Variants in BMP2 observed in about 807,000 individuals in gnomAD.
BMP2 encodes bone morphogenetic protein 2.
In BMP2, 2 loss-of-function variants were observed where a neutral mutation model predicts 28.8. The observed-to-expected ratio is 0.07, with a 90% CI of 0.03 to 0.22. The LOEUF (loss-of-function observed/expected upper bound fraction) is 0.22, where lower values mean the gene tolerates loss of function less well. Among genes scored for constraint, BMP2 ranks in the 10% least tolerant of loss-of-function variants. BMP2 has a pLI of 1.00. For missense variants in BMP2, 437 were observed against 517.7 expected (o/e 0.84, Z 1.51); for synonymous variants, 218 against 204.3 (o/e 1.07, Z -0.57).
chr20:6,772,149 T>C (rs538454439), intron 2 of BMP2, among the ~76,000 whole-genome samples: 23 of 152,348 alleles, frequency 1.5e-4, no homozygotes, highest in Admixed American at 6.5e-4. Context: ...ATCAGTGATG[T>C]CTGCATATTC....
Position 6,768,241 on chromosome 20 carries a change from G to C in BMP2, c.-642G>C. 1 of 398,180 alleles carries C rather than the reference G, an allele frequency of 2.5e-6. No homozygotes were observed. Among genetic ancestry groups the C allele is most frequent in the Non-Finnish European group, 4.4e-6 (1 of 225,818 alleles). 24.7% of individuals were successfully genotyped at this position (398,180 alleles called of 1,614,324 possible). ...CAGAGCCGCGGTGCTTTCAACTGGC[G>C]AGCGCGAATGGGGGTGCACTGGAGT... On this transcript the variant is annotated 5_prime_UTR_variant, in exon 1 of 3. Coordinates refer to ENST00000378827, the MANE Select transcript of BMP2 (RefSeq NM_001200.4).
intron 2 of BMP2, among the ~76,000 whole-genome samples, chr20:6,773,542 T>C (rs1986440425): frequency 6.6e-6 from 1 of 152,238 alleles, no homozygotes; most frequent in Non-Finnish European, 1.5e-5. Context: ...TTTTGCGTTC[T>C]TAGACTTGCT....
At chr20:6,769,421 C>T (rs1986338664) in intron 1 of BMP2, among the ~76,000 whole-genome samples, 1 of 152,130 alleles carries the variant, frequency 6.6e-6, no homozygotes, top group Non-Finnish European at 1.5e-5. Context: ...TTTTTAACAG[C>T]TGACACGTGC....
At chr20:6,768,964 G>A in intron 1 of BMP2, 89 bp downstream of exon 1, 1 of 398,056 alleles carries the variant, frequency 2.5e-6, no homozygotes, top group Non-Finnish European at 4.4e-6. Flanking sequence ...CTTACGTCCA[G>A]GCCAGAAGTA....
chr20:6,770,310 G>C lies in BMP2; in HGVS notation c.184G>C (p.Gly62Arg). ...EFELRLLSMF[G>R]LKQRPTPSRD... ...CGAGTTGCGGCTGCTCAGCATGTTC[G>C]GCCTGAAACAGAGACCCACCCCCAG... The change falls in exon 2 of 3, where the codon GGC (glycine) becomes CGC (arginine). Residue 62 changes from glycine to arginine, a missense_variant. Around this residue, in one of 2 missense-constraint regions of BMP2, gnomAD observed 363 missense variants for 392.8 expected, o/e 0.92. Transcript: ENST00000378827. The C allele has an allele frequency of 6.8e-6, 11 of 1,613,470 alleles. No individual in the cohort carries two copies. The highest frequency in any genetic ancestry group is 9.3e-6 in the Non-Finnish European group (11 of 1,179,948).
At chr20:6,770,715 C>T (rs1269123952) in intron 2 of BMP2, among the ~76,000 whole-genome samples, 9 of 152,198 alleles carry the variant, frequency 5.9e-5, no homozygotes, top group Admixed American at 5.9e-4. Flanking sequence ...AGAGCTACTC[C>T]TCCTGGAAGA....
intron 2 of BMP2, among the ~76,000 whole-genome samples, chr20:6,773,490 G>A (rs1170663962): frequency 6.6e-6 from 1 of 152,178 alleles, no homozygotes; most frequent in African/African-American, 2.4e-5. Context: ...CTGTTTTTTA[G>A]TGGTTCCCCT....
At chr20:6,777,779 T>G (rs1986529176) in intron 2 of BMP2, among the ~76,000 whole-genome samples, 1 of 152,220 alleles carries the variant, frequency 6.6e-6, no homozygotes, top group East Asian at 1.9e-4. Context: ...AGAGTAATGT[T>G]TTAGAATACT....
chr20:6,779,047 G>C lies in BMP2; in HGVS notation c.1149G>C (p.Lys383Asn). The C allele has an allele frequency of 6.2e-7, 1 of 1,612,440 alleles. No individual in the cohort carries two copies. Among genetic ancestry groups the C allele is most frequent in the Non-Finnish European group, 8.5e-7 (1 of 1,179,782 alleles). The change falls in exon 3 of 3, where the codon AAG becomes AAC. Residue 383 changes from lysine (K) to asparagine (N), a missense_variant. Lys to Asn is a moderately conservative substitution (Grantham distance 94). Coordinates refer to ENST00000378827, the MANE Select transcript of BMP2 (RefSeq NM_001200.4). ...YLDENEKVVL[K>N]NYQDMVVEGC... ...ACGAGAATGAAAAGGTTGTATTAAA[G>C]AACTATCAGGACATGGTTGTGGAGG...
In BMP2 at chr20:6,768,225, G is replaced by C; in HGVS notation, c.-658G>C. On this transcript the variant is annotated 5_prime_UTR_variant, in exon 1 of 3. Coordinates refer to ENST00000378827, the MANE Select transcript of BMP2 (RefSeq NM_001200.4). The stretch of plus-strand genomic sequence containing the variant: ...GAGGACGACGGGGCGCCAGAGCCGC[G>C]GTGCTTTCAACTGGCGAGCGCGAAT... The C allele has an allele frequency of 2.5e-6, 1 of 398,272 alleles. No homozygotes were observed. Among genetic ancestry groups the C allele is most frequent in the Admixed American group, 4.4e-5 (1 of 22,728 alleles). 24.7% of individuals were successfully genotyped at this position (398,272 alleles called of 1,614,324 possible).
chr20:6,775,046 T>G (rs1379423435), intron 2 of BMP2, among the ~76,000 whole-genome samples: 1 of 152,184 alleles, frequency 6.6e-6, no homozygotes, highest in Non-Finnish European at 1.5e-5. Flanking sequence ...GCTCACAAAC[T>G]CGGGTCAAAG....
chr20:6,778,127 G>T lies in BMP2; in HGVS notation c.347-118G>T. The T allele has an allele frequency of 2.3e-5, 33 of 1,428,094 alleles. No individual in the cohort carries two copies. Among genetic ancestry groups the T allele is most frequent in the Non-Finnish European group, 3.1e-5 (33 of 1,064,168 alleles). The allele number at this position is 1,428,094 out of a possible 1,614,324, so 88.5% of individuals were successfully genotyped here. On this transcript the variant is annotated intron_variant, in intron 2 of 2. Coordinates refer to ENST00000378827, the MANE Select transcript of BMP2 (RefSeq NM_001200.4). This position sits in a 1 kb window ranked among gnomAD's most constrained non-coding sequence, Gnocchi z 5.0. ...TTTCTGGTTACCTACTTTTACATGG[G>T]TTACATCAAATCCCACGATGAGGTT... is the stretch of plus-strand genomic sequence containing the variant.
chr20:6,778,372 A>G lies in BMP2; in HGVS notation c.474A>G (p.Gln158=). The G allele has an allele frequency of 6.2e-7, 1 of 1,614,218 alleles. No individual in the cohort carries two copies. Among genetic ancestry groups the G allele is most frequent in the Non-Finnish European group, 8.5e-7 (1 of 1,180,032 alleles). The part of the protein sequence containing the change: ...AELQVFREQM[Q]DALGNNSSFH... ...TTCAGGTTTTCCGAGAACAGATGCA[A>G]GATGCTTTAGGAAACAATAGCAGTT... Residue 158 remains glutamine, a synonymous_variant, in exon 3 of 3, where the codon CAA becomes CAG. Coordinates refer to ENST00000378827, the MANE Select transcript of BMP2 (RefSeq NM_001200.4). The surrounding 1 kb of genome is among the most constrained non-coding windows in gnomAD (Gnocchi z 5.0).
In BMP2 at chr20:6,780,123, G is replaced by C; in HGVS notation, c.*1034G>C. The C allele has an allele frequency of 6.6e-6, 1 of 152,584 alleles. No homozygotes were observed. Among genetic ancestry groups the C allele is most frequent in the Non-Finnish European group, 1.5e-5 (1 of 68,000 alleles). The allele number at this position is 152,584 out of a possible 1,614,324, so 9.5% of individuals were successfully genotyped here. A position where few individuals can be genotyped will look rare whatever the true frequency, so the allele number is the denominator to read the frequency against. ...AACACGCAGCAAAATTATGCACATC[G>C]TGTTTTCTGCCCACCCTCTGTTCTC... On this transcript the variant is annotated 3_prime_UTR_variant, in exon 3 of 3. Transcript: ENST00000378827.
chr20:6,768,997 G>A (rs1180641071), intron 1 of BMP2, 122 bp downstream of exon 1: 4 of 396,762 alleles, frequency 1.0e-5, no homozygotes, highest in Non-Finnish European at 1.8e-5. Flanking sequence ...TCCAGTCCAC[G>A]TGCAACGGAG....
Position 6,770,356 on chromosome 20 carries a change from C to T in BMP2, c.230C>T (p.Pro77Leu), listed in dbSNP as rs151071707. The change falls in exon 2 of 3, where the codon CCC becomes CTC. Residue 77 changes from proline (P) to leucine (L), a missense_variant. Pro to Leu is a moderately conservative substitution (Grantham distance 98). Coordinates refer to ENST00000378827, the MANE Select transcript of BMP2 (RefSeq NM_001200.4). The part of the protein sequence containing the change: ...PTPSRDAVVP[P>L]YMLDLYRRHS... ...CCCAGCAGGGACGCCGTGGTGCCCC[C>T]CTACATGCTAGACCTGTATCGCAGG... The T allele has an allele frequency of 1.2e-6, 2 of 1,613,444 alleles. No individual in the cohort carries two copies. The highest frequency in any genetic ancestry group is 1.1e-5 in the South Asian group (1 of 91,090).
Position 6,767,791 on chromosome 20 carries a change from C to T in BMP2, c.-1092C>T. ...CCCACACCCCGCCGGGGACTGGCAGCCGCCGCCGCACATCTGCCGCCACAG... is the reference window on the plus strand; with the variant it reads ...CCCACACCCCGCCGGGGACTGGCAGTCGCCGCCGCACATCTGCCGCCACAG... On this transcript the variant is annotated 5_prime_UTR_variant, in exon 1 of 3. Transcript: ENST00000378827. The T allele has an allele frequency of 3.4e-6, 1 of 290,298 alleles. No individual in the cohort carries two copies. Among genetic ancestry groups the T allele is most frequent in the African/African-American group, 2.2e-5 (1 of 45,020 alleles). The allele number at this position is 290,298 out of a possible 1,614,324, so 18.0% of individuals were successfully genotyped here.
intron 2 of BMP2, among the ~76,000 whole-genome samples, chr20:6,777,419 T>C (rs995269660): frequency 1.3e-5 from 2 of 152,146 alleles, no homozygotes; most frequent in Admixed American, 6.6e-5. Flanking sequence ...TTAACATGGT[T>C]TATCTTTCAA....
intron 2 of BMP2, among the ~76,000 whole-genome samples, chr20:6,775,352 G>A (rs1293171189): frequency 1.3e-5 from 2 of 152,190 alleles, no homozygotes; most frequent in African/African-American, 4.8e-5. Context: ...TCCTGGGTTT[G>A]AGGGTTTCTG....
Sources: gnomAD v4.1 joint callset for allele counts (sites outside exome capture counted in the v4.1 genomes callset) on GRCh38, gnomAD v4.1.1 for gene constraint, gnomAD v4.1.1 regional missense constraint, Gnocchi (gnomAD v3.1) non-coding constraint, MANE v1.5 for transcripts, NCBI Gene and HGNC (gene_info 2026-07-23, HGNC 2026-07-21) for gene names.